PSG6: variants seen among roughly 807,000 people sequenced by gnomAD.
The protein encoded by PSG6 is pregnancy specific beta-1-glycoprotein 6, also known as pregnancy-specific beta-1-glycoprotein 6.
A neutral mutation model predicts 43.3 loss-of-function variants in PSG6; 51 were observed. That is an observed-to-expected ratio of 1.18 (90% CI 0.94 to 1.49). The LOEUF is 1.49. PSG6 is among the 40% of genes most tolerant of loss of function. PSG6 has a pLI of 0.00. For synonymous variants in PSG6, 292 were observed against 197.6 expected, an observed-to-expected ratio of 1.48 and a Z score of -4.01; for missense variants, 770 against 522.2, an observed-to-expected ratio of 1.47 and a Z score of -4.62.
chr19:42,917,874 T>C lies in PSG6; in HGVS notation c.-82A>G. ...TCCTGAGCAGGGCTGTCAGGTGTGC[T>C]GTCCTTCCTCCTTCTGTGCTGAGCC... On this transcript the variant is annotated 5_prime_UTR_variant, in exon 1 of 6. Transcript: ENST00000187910. 1 of 1,523,770 alleles carries C rather than the reference T, an allele frequency of 6.6e-7. No homozygotes were observed. Among genetic ancestry groups the C allele is most frequent in the Non-Finnish European group, 8.9e-7 (1 of 1,120,104 alleles). The allele number at this position is 1,523,770 out of a possible 1,614,324, so 94.4% of individuals were successfully genotyped here. A position where few individuals can be genotyped will look rare whatever the true frequency, so the allele number is the denominator to read the frequency against.
At chr19:42,910,888 T>C in intron 2 of PSG6, 30 bp from the exon 3 acceptor site, 3 of 1,574,720 alleles carry the variant, frequency 1.9e-6, no homozygotes, top group Non-Finnish European at 2.6e-6. Flanking sequence ...AAGATTGCCC[T>C]GTGTGGCACC....
chr19:42,916,481 A>G lies in PSG6; in HGVS notation c.71T>C (p.Leu24Pro), dbSNP rs1972336626. Reference sequence around the variant, plus strand: ...GGTGGGCAGGTTCCAGAAGTTTAAAAGTGATGCTAGGAGGTAGAGACAGCA... The same window carrying G: ...GGTGGGCAGGTTCCAGAAGTTTAAAGGTGATGCTAGGAGGTAGAGACAGCA... The part of the protein sequence containing the change: ...TWKGLLLTAS[L>P]LNFWNLPTTA... Residue 24 changes from leucine to proline, a missense_variant, in exon 2 of 6, where the codon CTT becomes CCT. Leu to Pro is a moderately conservative substitution (Grantham distance 98). Coordinates refer to ENST00000187910, the MANE Select transcript of PSG6 (RefSeq NM_001031850.4). 3 of 1,609,566 alleles carry G rather than the reference A, an allele frequency of 1.9e-6. No individual in the cohort carries two copies. The highest frequency in any genetic ancestry group is 2.7e-5 in the African/African-American group (2 of 74,502).
chr19:42,912,178 T>G lies in PSG6; in HGVS notation c.428-1320A>C, dbSNP rs189501389. ...TTAGCATCACATCAGTGGTCAGAAG[T>G]GTTGAGTTTTGAGCATTTCAGATTG... On this transcript the variant is annotated intron_variant, in intron 2 of 5. Coordinates refer to ENST00000187910, the MANE Select transcript of PSG6 (RefSeq NM_001031850.4). 1.5e-3 allele frequency among the ~76,000 whole-genome samples: 226 copies of G among 151,620 alleles called. 4 individuals are homozygous for G. Among genetic ancestry groups the G allele is most frequent in the Non-Finnish European group, 2.6e-3 (177 of 67,864 alleles).
Position 42,903,046 on chromosome 19 carries a change from A to G in PSG6, c.1241-600T>C, listed in dbSNP as rs542553072. On this transcript the variant is annotated intron_variant, in intron 5 of 5. Coordinates refer to ENST00000187910, the MANE Select transcript of PSG6 (RefSeq NM_001031850.4). ...GGCATTATTTCCATTTTGCTGATGA[A>G]AAGACAGAAGCTTAGCATGGTGTAA... Among the ~76,000 whole-genome samples the G allele has an allele frequency of 1.6e-4, 24 of 151,706 alleles. 1 individual carries two copies. Among genetic ancestry groups the G allele is most frequent in the African/African-American group, 5.6e-4 (23 of 41,364 alleles).
At chr19:42,905,900 G>T (rs940694584) in intron 5 of PSG6, among the ~76,000 whole-genome samples, 3 of 151,448 alleles carry the variant, frequency 2.0e-5, no homozygotes, top group Admixed American at 6.6e-5. Context: ...TAGAATGGTG[G>T]GTGTTAAGGG....
rs112816284 is a variant in PSG6 at position 42,902,423 on chromosome 19, C to T, written c.1264G>A (p.Glu422Lys). The T allele has an allele frequency of 5.8e-3, 9,309 of 1,611,148 alleles. 571 individuals are homozygous for T. In the African/African-American group the frequency reaches 0.1, roughly 18 times the overall value. ...VSGPCHGNQT[E>K]SH is the part of the protein sequence containing the mutation. ...TATTGTGGCAGCCATTAATGAGACT[C>T]TGTCTGGTTTCCATGGCAGGGACCT... Residue 422 changes from glutamate (E) to lysine (K), a missense_variant, in exon 6 of 6, where the codon GAG becomes AAG. Transcript: ENST00000187910.
chr19:42,910,506 A>C (rs753771278), intron 3 of PSG6, 74 bp downstream of exon 3: 15 of 1,612,356 alleles, frequency 9.3e-6, no homozygotes, highest in Non-Finnish European at 1.3e-5. Flanking sequence ...CCTGAGAGGG[A>C]CTGAGAGGCC....
intron 2 of PSG6, 73 bp downstream of exon 2, chr19:42,916,052 T>G (rs1972319115): frequency 6.3e-7 from 1 of 1,589,816 alleles, no homozygotes; most frequent in African/African-American, 1.5e-5. Flanking sequence ...AGTCCAGGCC[T>G]GACAATTCTG....
intron 5 of PSG6, among the ~76,000 whole-genome samples, chr19:42,905,513 G>A (rs1972097390): frequency 2.0e-5 from 3 of 151,582 alleles, no homozygotes; most frequent in Admixed American, 2.0e-4. Flanking sequence ...AAGTAGTGTG[G>A]CTGTTTTTCA....
At chr19:42,908,058 A>C (rs539059052) in intron 3 of PSG6, 2 of 898,420 alleles carry the variant, frequency 2.2e-6, no homozygotes, top group South Asian at 3.7e-5. Flanking sequence ...GGAAGCACAG[A>C]CTTTCTCAAG....
At position 42,915,142 on chromosome 19, in the gene PSG6, T is replaced by G. The variant is rs1475248163; in HGVS notation, c.427+983A>C. On this transcript the variant is annotated intron_variant, in intron 2 of 5. Transcript: ENST00000187910. ...GGCCTGTGGCTGCAGACAGACCTCA[T>G]GTGACCCCGATCTCCCCTTTGTGTT... 2.0e-5 allele frequency among the ~76,000 whole-genome samples: 3 copies of G among 151,518 alleles called. No homozygotes were observed. In the East Asian group the frequency reaches 5.8e-4, roughly 29 times the overall value.
At chr19:42,912,091 C>T (rs547886210) in intron 2 of PSG6, among the ~76,000 whole-genome samples, 1 of 151,654 alleles carries the variant, frequency 6.6e-6, no homozygotes, top group African/African-American at 2.4e-5. Flanking sequence ...AGTATATGTA[C>T]TGGTTTAGCA....
Position 42,917,623 on chromosome 19 carries a change from T to G in PSG6, c.64+106A>C, listed in dbSNP as rs946740411. Reference sequence around the variant, plus strand: ...CGTGATCCACCCACCTCAGCCTCCCTAAGTGCTGGCTTCTTTTATTTTTTA... The same window carrying G: ...CGTGATCCACCCACCTCAGCCTCCCGAAGTGCTGGCTTCTTTTATTTTTTA... On this transcript the variant is annotated intron_variant, in intron 1 of 5. Coordinates refer to ENST00000187910, the MANE Select transcript of PSG6 (RefSeq NM_001031850.4). 8 of 1,510,730 alleles carry G rather than the reference T, an allele frequency of 5.3e-6. 1 individual carries two copies. Among genetic ancestry groups the G allele is most frequent in the Non-Finnish European group, 7.2e-6 (8 of 1,103,606 alleles). The allele number at this position is 1,510,730 out of a possible 1,614,324, so 93.6% of individuals were successfully genotyped here.
chr19:42,908,707 G>A (rs759228585), intron 3 of PSG6, among the ~76,000 whole-genome samples: 3 of 151,802 alleles, frequency 2.0e-5, no homozygotes, highest in Non-Finnish European at 4.4e-5. Context: ...GGAATGAACT[G>A]CTGGAAATCT....
chr19:42,909,231 A>C (rs1257731036), intron 3 of PSG6, among the ~76,000 whole-genome samples: 1 of 151,216 alleles, frequency 6.6e-6, no homozygotes, highest in Non-Finnish European at 1.5e-5. Context: ...CCATGTTTCT[A>C]GCTTGGTGAT....
chr19:42,907,688 G>A lies in PSG6; in HGVS notation c.873C>T (p.Asn291=). ...TGACACTGGGTAGAATGAGTATCCTGTTTTCAATGGGTCGCTTTACCCTCG... is the reference window on the plus strand; with the variant it reads ...TGACACTGGGTAGAATGAGTATCCTATTTTCAATGGGTCGCTTTACCCTCG... ...VSPRVKRPIE[N]RILILPSVTR... is the part of the protein sequence containing the mutation. Residue 291 remains asparagine (N), a synonymous_variant, in exon 4 of 6, where the codon AAC becomes AAT. Transcript: ENST00000187910. The A allele has an allele frequency of 1.2e-6, 2 of 1,610,958 alleles. No individual in the cohort carries two copies. The highest frequency in any genetic ancestry group is 2.7e-5 in the African/African-American group (2 of 74,808).
In PSG6 at chr19:42,911,240, T is replaced by G. The variant is rs184738773; in HGVS notation, c.428-382A>C. ...GAATCTTGTTAGTTTCAGTCTCACT[T>G]TGCCCCCTGAGGTATGTTTTCTCAT... On this transcript the variant is annotated intron_variant, in intron 2 of 5. Transcript: ENST00000187910. 2.0e-4 allele frequency among the ~76,000 whole-genome samples: 31 copies of G among 151,636 alleles called. 1 individual carries two copies. The highest frequency in any genetic ancestry group is 3.4e-3 in the Middle Eastern group (1 of 292).
intron 5 of PSG6, among the ~76,000 whole-genome samples, chr19:42,904,662 C>T (rs186269132): frequency 6.6e-6 from 1 of 151,606 alleles, no homozygotes; most frequent in African/African-American, 2.4e-5. Context: ...AATTGAAAGA[C>T]ATTTTGTGTT....
intron 5 of PSG6, chr19:42,906,673 G>A: frequency 7.0e-7 from 1 of 1,423,312 alleles, no homozygotes; most frequent in African/African-American, 1.5e-5. Context: ...CTACCACATA[G>A]GGCTCAGGGC....
Sources: allele counts gnomAD v4.1 joint callset (sites outside exome capture counted in the v4.1 genomes callset), GRCh38; gene constraint gnomAD v4.1.1; transcripts MANE v1.5; gene names NCBI Gene and HGNC (gene_info 2026-07-23, HGNC 2026-07-21).